The following ARHGEF4 variants were observed in gnomAD, a reference collection of about 807,000 sequenced individuals.
ARHGEF4 encodes Rho guanine nucleotide exchange factor 4.
A neutral mutation model predicts 162.0 loss-of-function variants in ARHGEF4; 119 were observed. The ratio of observed to expected loss-of-function variants is 0.73; its 90% CI spans 0.63 to 0.86. ARHGEF4 has a LOEUF of 0.86. Among genes scored for constraint, ARHGEF4 ranks in the 40% least tolerant of loss-of-function variants. The probability of loss-of-function intolerance (pLI) is 0.00; values close to 1 mark genes in which losing one functional copy is unlikely to be tolerated. For missense variants in ARHGEF4, 2,488 were observed against 2,456.0 expected, an observed-to-expected ratio of 1.01 and a Z score of -0.28; for synonymous variants, 1,014 against 979.9, an observed-to-expected ratio of 1.03 and a Z score of -0.65.
In ARHGEF4 at chr2:130,931,176, G is replaced by T. The variant is rs779238424; in HGVS notation, c.3777G>T (p.Lys1259Asn). 22 of 1,614,114 alleles carry T rather than the reference G, an allele frequency of 1.4e-5. No individual in the cohort carries two copies. The highest frequency in any genetic ancestry group is 8.8e-5 in the South Asian group (8 of 91,068). The change falls in exon 3 of 14, where the codon AAG becomes AAT. Residue 1259 changes from lysine (K) to asparagine (N), a missense_variant. By Grantham distance (94) the Lys-to-Asn change is moderately conservative (BLOSUM62 0). Around this residue, in one of 6 missense-constraint regions of ARHGEF4, gnomAD observed 1,642 missense variants for 1,481.5 expected, o/e 1.11. Coordinates refer to ENST00000409359, the MANE Select transcript of ARHGEF4 (RefSeq NM_001367493.1). ...PVSVDDLWLEKTQRKKLQKQA... is the reference protein window; with the variant it reads ...PVSVDDLWLENTQRKKLQKQA... ...GTGTGGATGACCTGTGGCTGGAGAA[G>T]ACACAGAGAAAGAAGTTGCAGAAGC...
chr2:130,900,782 A>C (rs1416941467), intron 1 of ARHGEF4, among the ~76,000 whole-genome samples: 3 of 152,162 alleles, frequency 2.0e-5, no homozygotes, highest in Admixed American at 2.0e-4. Flanking sequence ...TCTGGATCTT[A>C]TGTTAAAAGA....
chr2:131,032,959 C>G (rs1246797617), intron 5 of ARHGEF4, among the ~76,000 whole-genome samples: 1 of 147,980 alleles, frequency 6.8e-6, no homozygotes, highest in Non-Finnish European at 1.5e-5. Context: ...CTCAAGTGAT[C>G]CTCCCACCTC....
intron 13 of ARHGEF4, 55 bp downstream of exon 13, chr2:131,045,501 T>C (rs1691172867): frequency 6.2e-7 from 1 of 1,613,420 alleles, no homozygotes; most frequent in African/African-American, 1.3e-5. Context: ...CCTGCTGACA[T>C]CATTCCCTTC....
intron 5 of ARHGEF4, among the ~76,000 whole-genome samples, chr2:131,028,549 G>C (rs116644545): frequency 3.3e-5 from 5 of 152,236 alleles, no homozygotes; most frequent in Non-Finnish European, 5.9e-5. Flanking sequence ...TGACAACTGC[G>C]TGCAAGTTGC....
At chr2:131,039,755 C>T in intron 6 of ARHGEF4, 1 of 1,367,218 alleles carries the variant, frequency 7.3e-7, no homozygotes, top group East Asian at 3.0e-5. Flanking sequence ...AGCCTCTGTG[C>T]CGGGCACAAG....
intron 2 of ARHGEF4, among the ~76,000 whole-genome samples, chr2:130,927,685 T>C (rs1045191005): frequency 7.1e-6 from 1 of 141,446 alleles, no homozygotes; most frequent in Non-Finnish European, 1.5e-5. Flanking sequence ...ATAGGAAGCA[T>C]GTATGAGTGG....
chr2:131,019,336 C>T (rs1207811100), intron 4 of ARHGEF4, among the ~76,000 whole-genome samples: 5 of 151,722 alleles, frequency 3.3e-5, no homozygotes, highest in East Asian at 2.0e-4. Flanking sequence ...CGCTTGAACC[C>T]GGGAGGCGGA....
At chr2:130,838,322 C>T (rs117444439) in intron 1 of ARHGEF4, among the ~76,000 whole-genome samples, 1 of 152,326 alleles carries the variant, frequency 6.6e-6, no homozygotes, top group South Asian at 2.1e-4. Flanking sequence ...GTGAGTGTGG[C>T]CCGGCGCGGT....
At chr2:130,983,113 AC>A (rs1686239251) in intron 4 of ARHGEF4, among the ~76,000 whole-genome samples, 1 of 152,234 alleles carries the variant, frequency 6.6e-6, no homozygotes, top group African/African-American at 2.4e-5. Flanking sequence ...ATTTTAAATT[AC>A]ACAAAAAGTT....
intron 4 of ARHGEF4, among the ~76,000 whole-genome samples, chr2:131,026,783 G>GC (rs548965863): frequency 6.6e-6 from 1 of 152,126 alleles, no homozygotes; most frequent in Non-Finnish European, 1.5e-5. Context: ...ACATTCTTGC[G>GC]CCGCTTTCAG....
At chr2:130,844,969 G>A (rs1039386738) in intron 1 of ARHGEF4, among the ~76,000 whole-genome samples, 2 of 151,642 alleles carry the variant, frequency 1.3e-5, no homozygotes, top group Non-Finnish European at 2.9e-5. Context: ...GATTACAGGC[G>A]TCCACCACCA....
chr2:130,994,692 A>G (rs1385217564), intron 4 of ARHGEF4, among the ~76,000 whole-genome samples: 1 of 152,228 alleles, frequency 6.6e-6, no homozygotes. Context: ...CTGCCAGGAT[A>G]AAGAAACCTA....
intron 1 of ARHGEF4, among the ~76,000 whole-genome samples, chr2:130,878,734 A>T (rs1679018004): frequency 6.6e-6 from 1 of 152,242 alleles, no homozygotes; most frequent in Non-Finnish European, 1.5e-5. Context: ...CAATCGAATT[A>T]AATGGAGTTC....
intron 2 of ARHGEF4, among the ~76,000 whole-genome samples, chr2:130,924,073 G>A (rs1416857426): frequency 6.6e-6 from 1 of 151,442 alleles, no homozygotes; most frequent in African/African-American, 2.4e-5. Flanking sequence ...AGTAGATACG[G>A]GGTTTCACCG....
chr2:130,862,533 G>GAAAA (rs1682014601), intron 1 of ARHGEF4, among the ~76,000 whole-genome samples: 1 of 18,148 alleles, frequency 5.5e-5, no homozygotes, highest in Admixed American at 6.4e-4. Context: ...GTTAGGCAAT[G>GAAAA]GTTTCTTAGA....
chr2:130,919,910 C>G (rs1161338058), intron 2 of ARHGEF4, among the ~76,000 whole-genome samples: 3 of 152,052 alleles, frequency 2.0e-5, no homozygotes, highest in Non-Finnish European at 4.4e-5. Context: ...ATATCTGTCT[C>G]TATGTGTCTG....
Position 130,837,083 on chromosome 2 carries a change from G to A in ARHGEF4, c.39+91G>A, listed in dbSNP as rs1680245877. 4.2e-6 allele frequency: 5 copies of A among 1,182,264 alleles called. No individual in the cohort carries two copies. In the South Asian group the frequency reaches 1.3e-4, roughly 30 times the overall value. The allele number at this position is 1,182,264 out of a possible 1,614,324, so 73.2% of individuals were successfully genotyped here. A position where few individuals can be genotyped will look rare whatever the true frequency, so the allele number is the denominator to read the frequency against. On this transcript the variant is annotated intron_variant, in intron 1 of 13. Coordinates refer to ENST00000409359, the MANE Select transcript of ARHGEF4 (RefSeq NM_001367493.1). The stretch of plus-strand genomic sequence containing the variant: ...AGCCCGCGCTGGCTGCTGCGCCCCG[G>A]GCCGTCCCCTGGGCACCCGGTGGGT...
intron 1 of ARHGEF4, among the ~76,000 whole-genome samples, chr2:130,848,324 A>G (rs1369579858): frequency 1.3e-5 from 2 of 152,196 alleles, no homozygotes; most frequent in Admixed American, 1.3e-4. Context: ...CCCCAAGGCC[A>G]GTGTTTTCAT....
rs272109 is a variant in ARHGEF4, at chr2:130,848,421, G to A, written c.39+11429G>A. Among the ~76,000 whole-genome samples, 1,226 of 152,342 alleles carry A rather than the reference G, an allele frequency of 8.0e-3. 14 individuals are homozygous for A. Among genetic ancestry groups the A allele is most frequent in the African/African-American group, 0.028 (1,180 of 41,584 alleles). ...GTCAGGCCATGAGCAAGACATACAT[G>A]CAGGCCCTGGACAGGGGCTTCCGAG... On this transcript the variant is annotated intron_variant, in intron 1 of 13. Coordinates refer to ENST00000409359, the MANE Select transcript of ARHGEF4 (RefSeq NM_001367493.1).
Sources: gnomAD v4.1 joint callset for allele counts (sites outside exome capture counted in the v4.1 genomes callset) on GRCh38, gnomAD v4.1.1 for gene constraint, gnomAD v4.1.1 regional missense constraint, MANE v1.5 for transcripts, NCBI Gene and HGNC (gene_info 2026-07-23, HGNC 2026-07-21) for gene names.